Variants in SEMA5A observed in about 807,000 individuals in gnomAD.
SEMA5A encodes the protein semaphorin-5A.
In SEMA5A, 55 loss-of-function variants were observed where a neutral mutation model predicts 135.5. That is an observed-to-expected ratio of 0.41 (90% CI 0.33 to 0.51). The LOEUF is 0.51. Ranked by LOEUF, SEMA5A falls within the 20% of genes least tolerant of loss-of-function variation. SEMA5A has a pLI of 0.37. For missense variants in SEMA5A, 1,290 were observed against 1,419.9 expected (o/e 0.91, Z 1.47); for synonymous variants, 580 against 546.5 (o/e 1.06, Z -0.85).
intron 16 of SEMA5A, among the ~76,000 whole-genome samples, chr5:9,080,003 T>C (rs577386596): frequency 5.3e-5 from 8 of 152,270 alleles, no homozygotes; most frequent in South Asian, 2.1e-4. Flanking sequence ...TCCTCAAGGA[T>C]CTAGAACCAG....
intron 1 of SEMA5A, among the ~76,000 whole-genome samples, chr5:9,510,446 G>A (rs994546280): frequency 6.6e-6 from 1 of 152,068 alleles, no homozygotes; most frequent in African/African-American, 2.4e-5. Context: ...CAAACTATTG[G>A]GAAGTAAATA....
intron 10 of SEMA5A, among the ~76,000 whole-genome samples, chr5:9,195,338 T>A (rs967592641): frequency 1.3e-5 from 2 of 152,198 alleles, no homozygotes; most frequent in African/African-American, 2.4e-5. Context: ...GCTAATTTTT[T>A]TTATTATTAT....
intron 5 of SEMA5A, among the ~76,000 whole-genome samples, chr5:9,253,915 T>C (rs1748926964): frequency 6.6e-6 from 1 of 152,218 alleles, no homozygotes; most frequent in African/African-American, 2.4e-5. Flanking sequence ...TATAGCATGA[T>C]CATCCTAAGA....
At chr5:9,409,148 C>T (rs560504949) in intron 2 of SEMA5A, among the ~76,000 whole-genome samples, 1 of 152,032 alleles carries the variant, frequency 6.6e-6, no homozygotes, top group Non-Finnish European at 1.5e-5. Context: ...TCCCTTGGCC[C>T]CCTGGCTAAT....
At chr5:9,322,704 A>G (rs1752683552) in intron 4 of SEMA5A, among the ~76,000 whole-genome samples, 1 of 152,134 alleles carries the variant, frequency 6.6e-6, no homozygotes, top group South Asian at 2.1e-4. Flanking sequence ...CAATACTGTA[A>G]GGTTTCAGAG....
intron 3 of SEMA5A, among the ~76,000 whole-genome samples, chr5:9,343,817 G>C (rs1012224226): frequency 1.3e-5 from 2 of 152,102 alleles, no homozygotes; most frequent in African/African-American, 4.8e-5. Flanking sequence ...TACCAGGCCT[G>C]TTACTTCAAC....
chr5:9,184,136 T>A (rs2150334637), intron 11 of SEMA5A, among the ~76,000 whole-genome samples: 1 of 152,262 alleles, frequency 6.6e-6, no homozygotes, highest in Admixed American at 6.5e-5. Flanking sequence ...TTTTTATTCT[T>A]GGATGAGTAT....
rs183910245 is a variant in SEMA5A, at chr5:9,282,714, A to C, written c.270+35658T>G. 3.1e-3 allele frequency among the ~76,000 whole-genome samples: 471 copies of C among 152,268 alleles called. 2 individuals are homozygous for C. The highest frequency in any genetic ancestry group is 0.011 in the African/African-American group (455 of 41,560). ...CCAAACAGCCGCCTCCCGTGTCATC[A>C]GATTGCTCTAAAATACGTAATTCCA... On this transcript the variant is annotated intron_variant, in intron 5 of 22. Transcript: ENST00000382496.
chr5:9,476,013 G>T (rs530405933), intron 1 of SEMA5A, among the ~76,000 whole-genome samples: 1 of 152,256 alleles, frequency 6.6e-6, no homozygotes, highest in East Asian at 1.9e-4. Flanking sequence ...TATGCAAGGA[G>T]ATATTAGGCT....
chr5:9,328,217 G>A (rs1752962773), intron 4 of SEMA5A, among the ~76,000 whole-genome samples: 1 of 152,022 alleles, frequency 6.6e-6, no homozygotes, highest in Admixed American at 6.6e-5. Flanking sequence ...TCTCAAATCT[G>A]GCTTCTCATC....
chr5:9,318,326 A>G, intron 5 of SEMA5A, 46 bp downstream of exon 5: 1 of 1,549,808 alleles, frequency 6.5e-7, no homozygotes, highest in Non-Finnish European at 8.9e-7. Flanking sequence ...ACAGTGAGTT[A>G]ATTGGGATGG....
At chr5:9,107,612 A>G (rs1180643497) in intron 16 of SEMA5A, among the ~76,000 whole-genome samples, 1 of 152,190 alleles carries the variant, frequency 6.6e-6, no homozygotes, top group South Asian at 2.1e-4. Context: ...GGGACAGTTT[A>G]TCCCATATGT....
intron 3 of SEMA5A, among the ~76,000 whole-genome samples, chr5:9,342,683 A>G (rs1753702496): frequency 6.6e-6 from 1 of 152,260 alleles, no homozygotes; most frequent in South Asian, 2.1e-4. Context: ...TGACAAAATA[A>G]CGCTAACAAT....
intron 13 of SEMA5A, among the ~76,000 whole-genome samples, chr5:9,132,478 G>A (rs1741487608): frequency 6.6e-6 from 1 of 152,212 alleles, no homozygotes; most frequent in Admixed American, 6.5e-5. Context: ...GCGGGACACA[G>A]CAAGAAGCCC....
chr5:9,360,487 T>G (rs1380991835), intron 3 of SEMA5A, among the ~76,000 whole-genome samples: 3 of 152,042 alleles, frequency 2.0e-5, no homozygotes, highest in Non-Finnish European at 4.4e-5. Flanking sequence ...CCAAAGCAAA[T>G]AAATTTTTAT....
At chr5:9,122,876 A>G in intron 13 of SEMA5A, 39 bp from the exon 14 acceptor site, 1 of 1,512,986 alleles carries the variant, frequency 6.6e-7, no homozygotes, top group East Asian at 2.3e-5. Flanking sequence ...AGAAAAGGTT[A>G]AAGCTGAACA....
intron 10 of SEMA5A, among the ~76,000 whole-genome samples, chr5:9,191,523 G>A (rs1357448450): frequency 1.3e-5 from 2 of 152,124 alleles, no homozygotes; most frequent in Non-Finnish European, 2.9e-5. Flanking sequence ...GAATTTCCAG[G>A]CCCATACCAC....
At chr5:9,439,703 A>G (rs1477911433) in intron 1 of SEMA5A, among the ~76,000 whole-genome samples, 1 of 152,228 alleles carries the variant, frequency 6.6e-6, no homozygotes, top group African/African-American at 2.4e-5. Flanking sequence ...CAGAGAGCAA[A>G]TACTGCAGGA....
chr5:9,221,249 C>T (rs115352547), intron 8 of SEMA5A, among the ~76,000 whole-genome samples: 2,443 of 149,622 alleles, frequency 0.016, 55 homozygotes, highest in African/African-American at 0.051. Context: ...TAGCTTGTTG[C>T]GGTTTCTTTG....
Sources: allele counts gnomAD v4.1 joint callset (sites outside exome capture counted in the v4.1 genomes callset), GRCh38; gene constraint gnomAD v4.1.1; transcripts MANE v1.5; gene names NCBI Gene and HGNC (gene_info 2026-07-23, HGNC 2026-07-21).